TNFRSF10B: variants seen among roughly 807,000 people sequenced by gnomAD.
The protein encoded by TNFRSF10B is tumor necrosis factor receptor superfamily member 10B.
In TNFRSF10B, 35 loss-of-function variants were observed where a neutral mutation model predicts 41.4. The ratio of observed to expected loss-of-function variants is 0.85; its 90% CI spans 0.65 to 1.12. The LOEUF is 1.12. Among genes scored for constraint, TNFRSF10B ranks in the 50% most tolerant of loss-of-function variants. TNFRSF10B has a pLI of 0.00. For missense variants in TNFRSF10B, 584 were observed against 552.7 expected, an observed-to-expected ratio of 1.06 and a Z score of -0.57; for synonymous variants, 230 against 215.5, an observed-to-expected ratio of 1.07 and a Z score of -0.59.
chr8:23,064,689 T>G (rs1812932939), intron 1 of TNFRSF10B, among the ~76,000 whole-genome samples: 1 of 152,184 alleles, frequency 6.6e-6, no homozygotes, highest in African/African-American at 2.4e-5. Context: ...TTACACCAAG[T>G]TTGAGCATAA....
Position 23,020,853 on chromosome 8 carries a change from G to T in TNFRSF10B, c.*1818C>A, listed in dbSNP as rs918811032. ...GTCCTGCACAGAAGGCCCAGCAAAG[G>T]CAAAGACCAGGAGGCAGCAGCACCC... is the stretch of plus-strand genomic sequence containing the variant. On this transcript the variant is annotated 3_prime_UTR_variant, in exon 9 of 9. Transcript: ENST00000276431. 1 of 454,124 alleles carries T rather than the reference G, an allele frequency of 2.2e-6. No individual in the cohort carries two copies. The highest frequency in any genetic ancestry group is 4.4e-6 in the Non-Finnish European group (1 of 226,788). The allele number at this position is 454,124 out of a possible 1,614,324, so 28.1% of individuals were successfully genotyped here. A position where few individuals can be genotyped will look rare whatever the true frequency, so the allele number is the denominator to read the frequency against.
At chr8:23,059,326 C>T (rs1812756847) in intron 1 of TNFRSF10B, among the ~76,000 whole-genome samples, 1 of 152,192 alleles carries the variant, frequency 6.6e-6, no homozygotes, top group African/African-American at 2.4e-5. Flanking sequence ...TGAAACCATG[C>T]TTTCAATTCT....
intron 6 of TNFRSF10B, 48 bp from the exon 7 acceptor site, chr8:23,027,336 C>T: frequency 6.2e-7 from 1 of 1,611,652 alleles, no homozygotes; most frequent in Non-Finnish European, 8.5e-7. Flanking sequence ...GGAGTCCACA[C>T]CTAGGGCTCG....
intron 4 of TNFRSF10B, among the ~76,000 whole-genome samples, chr8:23,029,309 C>T (rs904614456): frequency 6.6e-6 from 1 of 152,198 alleles, no homozygotes; most frequent in African/African-American, 2.4e-5. Context: ...TCTACTCATT[C>T]TTCTTATTTC....
intron 2 of TNFRSF10B, among the ~76,000 whole-genome samples, chr8:23,039,907 T>C (rs1379957201): frequency 1.3e-5 from 2 of 152,002 alleles, no homozygotes; most frequent in Non-Finnish European, 2.9e-5. Context: ...AGAAAATAAG[T>C]TTTAGGCTAG....
At chr8:23,027,689 C>T (rs750644220) in intron 6 of TNFRSF10B, 33 bp downstream of exon 6, 4 of 1,613,964 alleles carry the variant, frequency 2.5e-6, no homozygotes, top group Non-Finnish European at 3.4e-6. Context: ...TCCTGAACCC[C>T]TGAGCCCCCA....
chr8:23,037,140 G>A (rs1342529557), intron 2 of TNFRSF10B, among the ~76,000 whole-genome samples: 2 of 152,172 alleles, frequency 1.3e-5, no homozygotes, highest in Non-Finnish European at 2.9e-5. Context: ...TAATAATCAG[G>A]TGGATAGGAT....
chr8:23,045,060 C>CAAAAAAAAAAAA (rs35953846), intron 1 of TNFRSF10B, among the ~76,000 whole-genome samples: 502 of 38,440 alleles, frequency 0.013, no homozygotes, highest in East Asian at 0.02. Context: ...TAATAAAATA[C>CAAAAAAAAAAAA]AAAAAAAAAA....
intron 2 of TNFRSF10B, among the ~76,000 whole-genome samples, chr8:23,036,054 T>A (rs1367608733): frequency 2.7e-5 from 4 of 149,810 alleles, no homozygotes; most frequent in Non-Finnish European, 4.5e-5. Context: ...CACAGGCCCT[T>A]AGGTTTTGGA....
At chr8:23,060,856 A>G (rs1289260098) in intron 1 of TNFRSF10B, among the ~76,000 whole-genome samples, 1 of 151,996 alleles carries the variant, frequency 6.6e-6, no homozygotes, top group Non-Finnish European at 1.5e-5. Flanking sequence ...CTCCTTGGTG[A>G]GTTTACTCCT....
At chr8:23,052,897 C>A (rs1264766474) in intron 1 of TNFRSF10B, among the ~76,000 whole-genome samples, 1 of 152,076 alleles carries the variant, frequency 6.6e-6, no homozygotes, top group African/African-American at 2.4e-5. Context: ...CCTAGCTATG[C>A]AAAAAGTTTT....
intron 3 of TNFRSF10B, among the ~76,000 whole-genome samples, chr8:23,030,456 G>A (rs3780073): frequency 0.49 from 74,594 of 151,756 alleles, 19,500 homozygotes; most frequent in East Asian, 0.63. Context: ...GGAAATACAG[G>A]CACGCGCCAC....
intron 8 of TNFRSF10B, among the ~76,000 whole-genome samples, chr8:23,023,580 G>C (rs1024479715): frequency 7.2e-5 from 11 of 152,152 alleles, no homozygotes; most frequent in Non-Finnish European, 1.6e-4. Flanking sequence ...TGTGCAACAT[G>C]ATGCACCTCG....
At chr8:23,027,862 G>A (rs1811757078) in intron 5 of TNFRSF10B, 109 bp from the exon 6 acceptor site, 1 of 1,359,436 alleles carries the variant, frequency 7.4e-7, no homozygotes, top group African/African-American at 1.4e-5. Context: ...CACTGGACAA[G>A]GAGCCCTGGG....
At chr8:23,045,480 G>C (rs999949760) in intron 1 of TNFRSF10B, among the ~76,000 whole-genome samples, 1 of 152,112 alleles carries the variant, frequency 6.6e-6, no homozygotes, top group Non-Finnish European at 1.5e-5. Context: ...GACCCAGAAG[G>C]CTTCACTGCT....
chr8:23,052,285 CTT>C (rs35496059), intron 1 of TNFRSF10B, among the ~76,000 whole-genome samples: 25 of 129,512 alleles, frequency 1.9e-4, no homozygotes, highest in Admixed American at 3.3e-4. Flanking sequence ...TAAAGGGTAA[CTT>C]TTTTTTTTTT....
In TNFRSF10B at chr8:23,024,256, G is replaced by C. The variant is rs141021862; in HGVS notation, c.941C>G (p.Pro314Arg). The C allele has an allele frequency of 5.0e-6, 8 of 1,613,834 alleles. No individual in the cohort carries two copies. The African/African-American group carries it at 8.0e-5, about 16-fold the overall frequency. ...SPGESEHLLE[P>R]AEAERSQRRR... ...CCTCTGAGACCTTTCAGCTTCTGCC[G>C]GTTCCTGTAACACATAGTGGGGAAT... The change falls in exon 8 of 9, where the codon CCG becomes CGG. Residue 314 changes from proline (P) to arginine (R), a missense_variant. Physicochemically the swap from Pro to Arg is moderately radical, Grantham distance 103. Coordinates refer to ENST00000276431, the MANE Select transcript of TNFRSF10B (RefSeq NM_003842.5).
rs1812250947 is a variant in TNFRSF10B, at chr8:23,043,008, G to A, written c.250+130C>T. 1.5e-5 allele frequency: 12 copies of A among 775,894 alleles called. 1 individual carries two copies. The East Asian group carries it at 3.3e-4, about 21-fold the overall frequency. The allele number at this position is 775,894 out of a possible 1,614,324, so 48.1% of individuals were successfully genotyped here. A position where few individuals can be genotyped will look rare whatever the true frequency, so the allele number is the denominator to read the frequency against. On this transcript the variant is annotated intron_variant, in intron 2 of 8. Transcript: ENST00000276431. ...CTAGCAGGAAGGCTCCAGAAGGACAGAGCCTTGAACTGGAGGCACCCAATG... is the reference window on the plus strand; with the variant it reads ...CTAGCAGGAAGGCTCCAGAAGGACAAAGCCTTGAACTGGAGGCACCCAATG...
chr8:23,043,035 C>T (rs1454027018), intron 2 of TNFRSF10B, 103 bp downstream of exon 2: 14 of 1,109,266 alleles, frequency 1.3e-5, no homozygotes, highest in Non-Finnish European at 1.9e-5. Context: ...CACCCAATGC[C>T]TCTCTGTGGA....
Sources: gnomAD v4.1 joint callset for allele counts (sites outside exome capture counted in the v4.1 genomes callset) on GRCh38, gnomAD v4.1.1 for gene constraint, MANE v1.5 for transcripts, NCBI Gene and HGNC (gene_info 2026-07-23, HGNC 2026-07-21) for gene names.